The following RCAN3 variants were observed in gnomAD, a reference collection of about 807,000 sequenced individuals.
The protein encoded by RCAN3 is regulator of calcineurin 3.
RCAN3 carries 19 observed loss-of-function variants against 21.9 expected under a neutral mutation model. That is an observed-to-expected ratio of 0.87 (90% CI 0.61 to 1.27). The LOEUF (loss-of-function observed/expected upper bound fraction) is 1.27, where lower values mean the gene tolerates loss of function less well. RCAN3 is among the 50% of genes most tolerant of loss of function. The pLI, the probability that RCAN3 is intolerant of heterozygous loss-of-function variation, is 0.00. For missense variants in RCAN3, 240 were observed against 300.1 expected (o/e 0.80, Z 1.48); for synonymous variants, 114 against 112.3 (o/e 1.01, Z -0.09).
At chr1:24,518,209 C>T (rs1648497180) in intron 2 of RCAN3, among the ~76,000 whole-genome samples, 1 of 152,074 alleles carries the variant, frequency 6.6e-6, no homozygotes, top group Non-Finnish European at 1.5e-5. Flanking sequence ...TCTTTATAAG[C>T]TTCTAACTAT....
rs1649744978 is a variant in RCAN3, at chr1:24,531,349, A to G, written c.327A>G (p.Glu109=). The G allele has an allele frequency of 6.2e-7, 1 of 1,613,744 alleles. No individual in the cohort carries two copies. Among genetic ancestry groups the G allele is most frequent in the Non-Finnish European group, 8.5e-7 (1 of 1,179,822 alleles). ...CAAGAGCGCGAATAGAACTCCACGA[A>G]ACAGACTTCAATGGGCAGAAGCTAA... ...AAARARIELH[E]TDFNGQKLKL... Residue 109 remains glutamate, a synonymous_variant, in exon 3 of 5, where the codon GAA becomes GAG. Transcript: ENST00000374395.
intron 1 of RCAN3, among the ~76,000 whole-genome samples, chr1:24,512,076 G>C (rs1487971428): frequency 6.6e-6 from 1 of 152,158 alleles, no homozygotes; most frequent in East Asian, 1.9e-4. Context: ...AACAAGTGGA[G>C]AAGGAGAAAT....
intron 2 of RCAN3, among the ~76,000 whole-genome samples, chr1:24,521,116 TG>T (rs1383020608): frequency 1.3e-5 from 2 of 152,114 alleles, no homozygotes; most frequent in Non-Finnish European, 2.9e-5. Context: ...AACATAGAGA[TG>T]GATGGAATTG....
chr1:24,518,143 A>T (rs1340078094), intron 2 of RCAN3, among the ~76,000 whole-genome samples: 1 of 152,144 alleles, frequency 6.6e-6, no homozygotes, highest in East Asian at 1.9e-4. Flanking sequence ...TGGCCAACAT[A>T]GCAAGACCCC....
intron 2 of RCAN3, among the ~76,000 whole-genome samples, chr1:24,523,706 A>G (rs907815579): frequency 4.0e-5 from 6 of 151,298 alleles, no homozygotes; most frequent in Non-Finnish European, 7.4e-5. Context: ...CAGTGGTACA[A>G]TCTCGGCCCA....
rs777933417 is a variant in RCAN3 at position 24,533,226 on chromosome 1, A to G, written c.513A>G (p.Leu171=). ...EDAMPVINYD[L]LCAVSKLGPG... Reference sequence around the variant, plus strand: ...CGATGCCTGTTATAAATTATGATTTACTCTGTGCTGTTTCCAAATTGGGAC... The same window carrying G: ...CGATGCCTGTTATAAATTATGATTTGCTCTGTGCTGTTTCCAAATTGGGAC... The change falls in exon 4 of 5, where the codon TTA becomes TTG. Residue 171 remains leucine (L), a synonymous_variant. Coordinates refer to ENST00000374395, the MANE Select transcript of RCAN3 (RefSeq NM_013441.4). The G allele has an allele frequency of 2.5e-6, 4 of 1,577,624 alleles. No individual in the cohort carries two copies. The highest frequency in any genetic ancestry group is 2.0e-5 in the Admixed American group (1 of 50,422).
chr1:24,504,376 C>T (rs1370496144), intron 1 of RCAN3, among the ~76,000 whole-genome samples: 1 of 152,148 alleles, frequency 6.6e-6, no homozygotes, highest in African/African-American at 2.4e-5. Flanking sequence ...CTATGTTGCC[C>T]AGGCTGTTCT....
At chr1:24,512,599 T>G (rs1045496197) in intron 1 of RCAN3, among the ~76,000 whole-genome samples, 3 of 152,194 alleles carry the variant, frequency 2.0e-5, no homozygotes, top group Admixed American at 2.0e-4. Flanking sequence ...ACCTCACTAT[T>G]TTTATTCCAT....
intron 1 of RCAN3, among the ~76,000 whole-genome samples, chr1:24,504,839 T>G (rs1344155347): frequency 2.0e-5 from 3 of 152,238 alleles, no homozygotes; most frequent in African/African-American, 7.2e-5. Context: ...GCATCAGTCT[T>G]ATATATCTCA....
chr1:24,534,462 C>T (rs1179804728), intron 4 of RCAN3, among the ~76,000 whole-genome samples: 1 of 152,086 alleles, frequency 6.6e-6, no homozygotes, highest in Admixed American at 6.6e-5. Flanking sequence ...AACAAATTAG[C>T]CGGGCGTGAT....
intron 1 of RCAN3, chr1:24,507,511 A>G (rs196399): frequency 0.61 from 92,305 of 152,118 alleles, 30,544 homozygotes; most frequent in African/African-American, 0.89. Context: ...CTGGGGTTTC[A>G]CAGATACAGT....
In RCAN3 at chr1:24,535,342, G is replaced by T; in HGVS notation, c.*65G>T. On this transcript the variant is annotated 3_prime_UTR_variant, in exon 5 of 5. Coordinates refer to ENST00000374395, the MANE Select transcript of RCAN3 (RefSeq NM_013441.4). ...TCTGGCCATGGCGCTCTGTGCCTGC[G>T]GCCGATGCGTTGCTGCGAACAGCAT... is the stretch of plus-strand genomic sequence containing the variant. 1 of 1,475,936 alleles carries T rather than the reference G, an allele frequency of 6.8e-7. No individual in the cohort carries two copies. Among genetic ancestry groups the T allele is most frequent in the South Asian group, 1.5e-5 (1 of 66,146 alleles). 91.4% of individuals were successfully genotyped at this position (1,475,936 alleles called of 1,614,324 possible).
At chr1:24,518,991 G>C (rs1203718056) in intron 2 of RCAN3, among the ~76,000 whole-genome samples, 2 of 152,068 alleles carry the variant, frequency 1.3e-5, no homozygotes, top group Non-Finnish European at 1.5e-5. Context: ...GGCCAGGCTG[G>C]TATCAAACTC....
In RCAN3 at chr1:24,533,088, G is replaced by A. The variant is rs375061134; in HGVS notation, c.375G>A (p.Gln125=). 5.2e-5 allele frequency: 77 copies of A among 1,479,606 alleles called. 1 individual carries two copies. In the South Asian group the frequency reaches 1.1e-3, roughly 21 times the overall value. 91.7% of individuals were successfully genotyped at this position (1,479,606 alleles called of 1,614,324 possible). A position where few individuals can be genotyped will look rare whatever the true frequency, so the allele number is the denominator to read the frequency against. ...GAGCGTCTCGCTCCCTGCAGGTGCA[G>A]ATGTCCGGCGAAGTGCGGGACAAGT... The part of the protein sequence containing the change: ...QKLKLYFAQV[Q]MSGEVRDKSY... Residue 125 remains glutamine (Q), a synonymous_variant, in exon 4 of 5, where the codon CAG becomes CAA. Coordinates refer to ENST00000374395, the MANE Select transcript of RCAN3 (RefSeq NM_013441.4).
chr1:24,509,317 A>G (rs563257537), intron 1 of RCAN3, among the ~76,000 whole-genome samples: 1 of 152,212 alleles, frequency 6.6e-6, no homozygotes, highest in Non-Finnish European at 1.5e-5. Flanking sequence ...TTCACGAAAG[A>G]TTTCTCTGTA....
At chr1:24,512,841 C>G (rs1647996419) in intron 1 of RCAN3, among the ~76,000 whole-genome samples, 1 of 152,202 alleles carries the variant, frequency 6.6e-6, no homozygotes, top group African/African-American at 2.4e-5. Flanking sequence ...AAGAGGCAGA[C>G]ATGCATAGAA....
In RCAN3 at chr1:24,536,244, G is replaced by T. The variant is rs1224102765; in HGVS notation, c.*967G>T. ...TTTCAACTAGAAAAGGTAATGATAAGGTTTTCTGAAGACCATTTGTAAATT... is the reference window on the plus strand; with the variant it reads ...TTTCAACTAGAAAAGGTAATGATAATGTTTTCTGAAGACCATTTGTAAATT... On this transcript the variant is annotated 3_prime_UTR_variant, in exon 5 of 5. Transcript: ENST00000374395. 6.6e-6 allele frequency: 1 copy of T among 152,150 alleles called. No individual in the cohort carries two copies. Among genetic ancestry groups the T allele is most frequent in the Non-Finnish European group, 1.5e-5 (1 of 68,030 alleles). The allele number at this position is 152,150 out of a possible 1,614,324, so 9.4% of individuals were successfully genotyped here.
At chr1:24,522,955 G>A (rs940102497) in intron 2 of RCAN3, among the ~76,000 whole-genome samples, 3 of 152,044 alleles carry the variant, frequency 2.0e-5, no homozygotes, top group African/African-American at 4.8e-5. Context: ...CACGAAATCT[G>A]TAAACTTTAA....
intron 2 of RCAN3, among the ~76,000 whole-genome samples, chr1:24,524,225 T>TA (rs1018364342): frequency 4.5e-4 from 69 of 152,160 alleles, no homozygotes; most frequent in African/African-American, 1.6e-3. Context: ...GAAAAAAAGA[T>TA]AAAAAATAAG....
Sources: gnomAD v4.1 joint callset for allele counts (sites outside exome capture counted in the v4.1 genomes callset) on GRCh38, gnomAD v4.1.1 for gene constraint, MANE v1.5 for transcripts, NCBI Gene and HGNC (gene_info 2026-07-23, HGNC 2026-07-21) for gene names.